Variants in NOTCH2NLC observed in about 807,000 individuals in gnomAD.
NOTCH2NLC encodes notch 2 N-terminal like C, also known as notch homolog 2 N-terminal-like protein C.
In NOTCH2NLC, 4 loss-of-function variants were observed where a neutral mutation model predicts 17.7. That is an observed-to-expected ratio of 0.23 (90% confidence interval 0.11 to 0.52). The LOEUF (loss-of-function observed/expected upper bound fraction) is 0.52. NOTCH2NLC is among the 20% of genes least tolerant of loss of function. The probability of loss-of-function intolerance (pLI) is 0.96; values close to 1 mark genes in which losing one functional copy is unlikely to be tolerated. For missense variants in NOTCH2NLC, 57 were observed against 207.2 expected, an observed-to-expected ratio of 0.28 and a Z score of 4.45; for synonymous variants, 18 against 86.0, an observed-to-expected ratio of 0.21 and a Z score of 4.38.
intron 3 of NOTCH2NLC, among the ~76,000 whole-genome samples, chr1:149,462,727 G>C (rs1363967320): frequency 6.7e-6 from 1 of 150,030 alleles, no homozygotes; most frequent in East Asian, 2.0e-4. Context: ...ATCTGTGTTT[G>C]CGCACATGTA....
At chr1:149,400,112 T>TTATATATATA (rs1213013864) in intron 1 of NOTCH2NLC, among the ~76,000 whole-genome samples, 9 of 138,784 alleles carry the variant, frequency 6.5e-5, no homozygotes, top group Non-Finnish European at 1.1e-4. Context: ...GTTGATTTAT[T>TTATATATATA]TATATATATA....
intron 1 of NOTCH2NLC, among the ~76,000 whole-genome samples, chr1:149,393,712 C>A (rs2084190120): frequency 7.0e-6 from 1 of 142,390 alleles, no homozygotes; most frequent in Non-Finnish European, 1.5e-5. Context: ...TGAAATTTAA[C>A]CTAAAACTAT....
intron 1 of NOTCH2NLC, among the ~76,000 whole-genome samples, chr1:149,424,429 T>C (rs1349780335): frequency 1.3e-5 from 2 of 150,560 alleles, no homozygotes; most frequent in East Asian, 3.9e-4. Flanking sequence ...TCCCAACTTC[T>C]CATTAGATTG....
chr1:149,391,129 C>T (rs1198293205), intron 1 of NOTCH2NLC, among the ~76,000 whole-genome samples: 1 of 63,760 alleles, frequency 1.6e-5, no homozygotes, highest in African/African-American at 6.4e-5. Flanking sequence ...CCCCGCCAAC[C>T]GCCGGGGTTC....
At chr1:149,413,465 G>A (rs2084311053) in intron 1 of NOTCH2NLC, among the ~76,000 whole-genome samples, 1 of 151,268 alleles carries the variant, frequency 6.6e-6, no homozygotes, top group East Asian at 2.0e-4. Flanking sequence ...ATGTTCTGCT[G>A]TGCTTGAAGG....
chr1:149,402,205 G>A (rs1267370381), intron 1 of NOTCH2NLC, among the ~76,000 whole-genome samples: 4 of 150,108 alleles, frequency 2.7e-5, no homozygotes, highest in African/African-American at 4.9e-5. Context: ...TCAGCCTCCC[G>A]AGTAGCTGGA....
At chr1:149,425,412 T>C (rs1313789081) in intron 1 of NOTCH2NLC, among the ~76,000 whole-genome samples, 1 of 151,222 alleles carries the variant, frequency 6.6e-6, no homozygotes, top group East Asian at 2.0e-4. Context: ...CGTGGAGGAA[T>C]GGAACTGAGT....
chr1:149,466,090 C>T lies in NOTCH2NLC; in HGVS notation c.*1937C>T, dbSNP rs2084681128. The T allele has an allele frequency of 1.4e-5, 1 of 69,184 alleles. No individual in the cohort carries two copies. The highest frequency in any genetic ancestry group is 2.8e-5 in the Non-Finnish European group (1 of 35,560). The allele number at this position is 69,184 out of a possible 1,614,324, so 4.3% of individuals were successfully genotyped here. On this transcript the variant is annotated 3_prime_UTR_variant, in exon 5 of 5. Coordinates refer to ENST00000650865, the MANE Select transcript of NOTCH2NLC (RefSeq NM_001364013.2). ...TTGCTTTGTGCATCTTACTGCGCCA[C>T]ATTGCACTGCACATCTGCTTCCTGA... is the stretch of plus-strand genomic sequence containing the variant.
chr1:149,393,226 G>A (rs2084185574), intron 1 of NOTCH2NLC, among the ~76,000 whole-genome samples: 1 of 150,542 alleles, frequency 6.6e-6, no homozygotes, highest in Admixed American at 6.6e-5. Flanking sequence ...CTAGCTTTTA[G>A]GTAGTCAAGT....
intron 1 of NOTCH2NLC, among the ~76,000 whole-genome samples, chr1:149,425,753 G>A (rs1234058324): frequency 3.0e-5 from 4 of 134,986 alleles, no homozygotes; most frequent in Admixed American, 7.5e-5. Context: ...GGTTAGATGC[G>A]GTTAGAATAA....
chr1:149,393,653 T>TG (rs2084188303), intron 1 of NOTCH2NLC, among the ~76,000 whole-genome samples: 1 of 146,232 alleles, frequency 6.8e-6, no homozygotes, highest in Admixed American at 6.9e-5. Context: ...ATTTCTCAGC[T>TG]GAATTCTTCT....
intron 1 of NOTCH2NLC, among the ~76,000 whole-genome samples, chr1:149,394,358 T>A: frequency 6.6e-6 from 1 of 151,106 alleles, no homozygotes; most frequent in East Asian, 2.0e-4. Context: ...CCATAACAAA[T>A]GTAACCTTAG....
In NOTCH2NLC at chr1:149,466,282, T is replaced by C. The variant is rs1391386494; in HGVS notation, c.*2129T>C. On this transcript the variant is annotated 3_prime_UTR_variant, in exon 5 of 5. Transcript: ENST00000650865. ...TGTGTGTGTGTGTGTGTGTGGTATA[T>C]ATATATATATCGCATTGTGCAGATG... The C allele has an allele frequency of 6.7e-6, 1 of 150,052 alleles. No homozygotes were observed. Among genetic ancestry groups the C allele is most frequent in the Non-Finnish European group, 1.5e-5 (1 of 67,320 alleles). The allele number at this position is 150,052 out of a possible 1,614,324, so 9.3% of individuals were successfully genotyped here.
chr1:149,393,740 T>C (rs1294996924), intron 1 of NOTCH2NLC, among the ~76,000 whole-genome samples: 1 of 138,378 alleles, frequency 7.2e-6, no homozygotes, highest in Non-Finnish European at 1.5e-5. Context: ...TTCACTTTCT[T>C]ATTATTCCTT....
At chr1:149,424,145 A>G (rs1196020466) in intron 1 of NOTCH2NLC, among the ~76,000 whole-genome samples, 1 of 151,360 alleles carries the variant, frequency 6.6e-6, no homozygotes, top group Non-Finnish European at 1.5e-5. Flanking sequence ...AGGCGCTGGA[A>G]CTGGTTAAAA....
At chr1:149,448,558 A>C (rs1475575542) in intron 2 of NOTCH2NLC, among the ~76,000 whole-genome samples, 2 of 145,858 alleles carry the variant, frequency 1.4e-5, no homozygotes, top group Non-Finnish European at 3.0e-5. Context: ...TGTGGCTTCT[A>C]AAAAAGTACA....
chr1:149,460,347 T>TC (rs1422693911), intron 3 of NOTCH2NLC, among the ~76,000 whole-genome samples: 1 of 133,656 alleles, frequency 7.5e-6, no homozygotes, highest in African/African-American at 2.7e-5. Flanking sequence ...TTTTTTTTTT[T>TC]TTTTTTTTTT....
Position 149,466,210 on chromosome 1 carries a change from C to T in NOTCH2NLC, c.*2057C>T, listed in dbSNP as rs1163575647. On this transcript the variant is annotated 3_prime_UTR_variant, in exon 5 of 5. Coordinates refer to ENST00000650865, the MANE Select transcript of NOTCH2NLC (RefSeq NM_001364013.2). ...ATGTTATAAGAAAACCAAGACACTC[C>T]TAATTATAATCAAATAGTACTTGTT... is the stretch of plus-strand genomic sequence containing the variant. 1.5e-5 allele frequency: 2 copies of T among 136,136 alleles called. No homozygotes were observed. Among genetic ancestry groups the T allele is most frequent in the Admixed American group, 1.5e-4 (2 of 13,264 alleles). The allele number at this position is 136,136 out of a possible 1,614,324, so 8.4% of individuals were successfully genotyped here. A position where few individuals can be genotyped will look rare whatever the true frequency, so the allele number is the denominator to read the frequency against.
chr1:149,443,684 T>C (rs1482679449), intron 2 of NOTCH2NLC, among the ~76,000 whole-genome samples: 7 of 148,746 alleles, frequency 4.7e-5, no homozygotes, highest in African/African-American at 1.7e-4. Flanking sequence ...TGAGAAGTAG[T>C]GTACTATAGC....
Sources: gnomAD v4.1 joint callset for allele counts (sites outside exome capture counted in the v4.1 genomes callset) on GRCh38, gnomAD v4.1.1 for gene constraint, MANE v1.5 for transcripts, NCBI Gene and HGNC (gene_info 2026-07-23, HGNC 2026-07-21) for gene names.